The following SNX25 variants were observed in gnomAD, a reference collection of about 807,000 sequenced individuals.
SNX25 encodes the protein sorting nexin-25.
A neutral mutation model predicts 113.7 loss-of-function variants in SNX25; 62 were observed. That is an observed-to-expected ratio of 0.55 (90% CI 0.44 to 0.67). SNX25 has a LOEUF of 0.67. Ranked by LOEUF, SNX25 falls within the 30% of genes least tolerant of loss-of-function variation. The pLI is 0.00. For synonymous variants in SNX25, 421 were observed against 436.2 expected (o/e 0.97, Z 0.43); for missense variants, 1,014 against 1,161.0 (o/e 0.87, Z 1.84).
intron 1 of SNX25, among the ~76,000 whole-genome samples, chr4:185,228,142 C>G (rs957948296): frequency 6.6e-6 from 1 of 152,110 alleles, no homozygotes; most frequent in Non-Finnish European, 1.5e-5. Context: ...AGTGTGTGGC[C>G]TGTGCTCTGT....
intron 5 of SNX25, among the ~76,000 whole-genome samples, chr4:185,282,927 G>A (rs778523894): frequency 2.0e-5 from 3 of 152,130 alleles, no homozygotes; most frequent in Non-Finnish European, 4.4e-5. Context: ...CCGTGTCCCC[G>A]TGTCCTCATG....
At chr4:185,361,685 C>T (rs1202048578) in intron 16 of SNX25, among the ~76,000 whole-genome samples, 1 of 152,022 alleles carries the variant, frequency 6.6e-6, no homozygotes, top group African/African-American at 2.4e-5. Flanking sequence ...TTCCAGTGAG[C>T]CGAGATCACA....
intron 5 of SNX25, among the ~76,000 whole-genome samples, chr4:185,275,358 C>T (rs1749511642): frequency 6.6e-6 from 1 of 152,024 alleles, no homozygotes; most frequent in East Asian, 1.9e-4. Flanking sequence ...GATTTTTTAT[C>T]TAATACATAG....
chr4:185,372,955 C>T, downstream of SNX25: 1 of 1,614,050 alleles, frequency 6.2e-7, no homozygotes, highest in Non-Finnish European at 8.5e-7. Context: ...TGCTGCTTCT[C>T]TTAAGCACTG....
chr4:185,270,430 GC>G (rs1265232251), intron 5 of SNX25, among the ~76,000 whole-genome samples: 2 of 152,256 alleles, frequency 1.3e-5, no homozygotes, highest in Non-Finnish European at 2.9e-5. Flanking sequence ...TAAAGGGATA[GC>G]ACCTGGGTGC....
chr4:185,273,339 C>A (rs1749218762), intron 5 of SNX25, among the ~76,000 whole-genome samples: 1 of 152,170 alleles, frequency 6.6e-6, no homozygotes, highest in Non-Finnish European at 1.5e-5. Context: ...GTGGTGCAAT[C>A]ACAGCTCACT....
chr4:185,296,671 T>A (rs1350062026), intron 6 of SNX25, among the ~76,000 whole-genome samples: 4 of 152,218 alleles, frequency 2.6e-5, no homozygotes, highest in Non-Finnish European at 5.9e-5. Context: ...GTCAGGTCTT[T>A]GTCCTATGGG....
chr4:185,351,575 A>G lies in SNX25; in HGVS notation c.2432A>G (p.Glu811Gly). ...TCTTTTTCATTATCCTCATTTTTGGAAAGACTTCCTCGCGACTTCTTCTCC... is the reference window on the plus strand; with the variant it reads ...TCTTTTTCATTATCCTCATTTTTGGGAAGACTTCCTCGCGACTTCTTCTCC... ...KNSFSLSSFL[E>G]RLPRDFFSHQ... Residue 811 changes from glutamate to glycine, a missense_variant, in exon 14 of 19, where the codon GAA becomes GGA. Physicochemically the swap from Glu to Gly is moderately conservative, Grantham distance 98. Transcript: ENST00000652585. 6.2e-7 allele frequency: 1 copy of G among 1,614,104 alleles called. No homozygotes were observed. Among genetic ancestry groups the G allele is most frequent in the Non-Finnish European group, 8.5e-7 (1 of 1,180,028 alleles).
intron 7 of SNX25, 116 bp downstream of exon 7, chr4:185,310,932 T>A: frequency 1.0e-6 from 1 of 956,336 alleles, no homozygotes; most frequent in African/African-American, 1.7e-5. Flanking sequence ...GTGCCATAAC[T>A]ACACACTGAC....
At chr4:185,354,275 G>T (rs574153242) in intron 15 of SNX25, among the ~76,000 whole-genome samples, 1 of 152,304 alleles carries the variant, frequency 6.6e-6, no homozygotes, top group East Asian at 1.9e-4. Flanking sequence ...GAAGAATCCT[G>T]TTGTTAAAGG....
intron 5 of SNX25, among the ~76,000 whole-genome samples, chr4:185,273,039 A>C (rs1420742900): frequency 6.6e-6 from 1 of 152,226 alleles, no homozygotes; most frequent in Non-Finnish European, 1.5e-5. Context: ...TGCGACAAAC[A>C]AAATGCTTCC....
chr4:185,336,773 C>T (rs2095232697), intron 10 of SNX25, among the ~76,000 whole-genome samples: 1 of 152,170 alleles, frequency 6.6e-6, no homozygotes, highest in Admixed American at 6.5e-5. Context: ...TTTACGTTCC[C>T]ACCAACGGTG....
At chr4:185,314,967 G>A (rs1274421177) in intron 7 of SNX25, among the ~76,000 whole-genome samples, 3 of 151,356 alleles carry the variant, frequency 2.0e-5, no homozygotes, top group African/African-American at 4.9e-5. Flanking sequence ...GGTGGCTCAC[G>A]CCTGTAGTCC....
chr4:185,278,939 C>T (rs903450592), intron 5 of SNX25, among the ~76,000 whole-genome samples: 1 of 152,052 alleles, frequency 6.6e-6, no homozygotes, highest in Admixed American at 6.6e-5. Context: ...ATCTAAAAGG[C>T]ACCAGCTAGC....
chr4:185,238,059 T>G (rs1301347368), intron 1 of SNX25, among the ~76,000 whole-genome samples: 1 of 78,820 alleles, frequency 1.3e-5, no homozygotes, highest in Non-Finnish European at 2.6e-5. Context: ...CGAGACTCCA[T>G]CTCAAAAAAA....
At chr4:185,347,746 C>T (rs2095295145) in intron 13 of SNX25, among the ~76,000 whole-genome samples, 1 of 152,196 alleles carries the variant, frequency 6.6e-6, no homozygotes, top group Non-Finnish European at 1.5e-5. Flanking sequence ...GCTGGGACTA[C>T]AGGCGTGAGC....
intron 2 of SNX25, among the ~76,000 whole-genome samples, chr4:185,251,030 C>T (rs920839211): frequency 1.3e-5 from 2 of 151,142 alleles, no homozygotes; most frequent in South Asian, 2.1e-4. Flanking sequence ...AGTCTTGCTC[C>T]GTCGCCCAGG....
intron 17 of SNX25, 91 bp downstream of exon 17, chr4:185,362,196 C>A: frequency 7.0e-7 from 1 of 1,425,258 alleles, no homozygotes; most frequent in African/African-American, 1.4e-5. Flanking sequence ...TTGCAGGAAA[C>A]ATTCTTTACA....
At chr4:185,252,938 A>G (rs957335220) in intron 2 of SNX25, among the ~76,000 whole-genome samples, 1 of 152,184 alleles carries the variant, frequency 6.6e-6, no homozygotes, top group Non-Finnish European at 1.5e-5. Flanking sequence ...GTAAAACTAT[A>G]TTTTAGGGGT....
Sources: gnomAD v4.1 joint callset for allele counts (sites outside exome capture counted in the v4.1 genomes callset) on GRCh38, gnomAD v4.1.1 for gene constraint, MANE v1.5 for transcripts, NCBI Gene and HGNC (gene_info 2026-07-23, HGNC 2026-07-21) for gene names.